Variants in WTAP observed in about 807,000 individuals in gnomAD.
WTAP encodes the protein WT1 associated protein.
A neutral mutation model predicts 50.0 loss-of-function variants in WTAP; 8 were observed. The observed-to-expected ratio is 0.16, with a 90% confidence interval of 0.09 to 0.29. The LOEUF is 0.29. Among genes scored for constraint, WTAP ranks in the 10% least tolerant of loss-of-function variants. The pLI is 1.00. For missense variants in WTAP, 295 were observed against 470.7 expected (o/e 0.63, Z 3.45); for synonymous variants, 194 against 169.0 (o/e 1.15, Z -1.15).
rs56389349 is a variant in WTAP at position 159,739,824 on chromosome 6, C to CTTT, written c.86+810_86+812dup. Among the ~76,000 whole-genome samples, 123 of 85,186 alleles carry CTTT rather than the reference C, an allele frequency of 1.4e-3. 3 individuals are homozygous for CTTT. The highest frequency in any genetic ancestry group is 2.3e-3 in the East Asian group (5 of 2,152). The allele number at this position is 85,186 out of a possible 152,430, so 55.9% of individuals were successfully genotyped here. A position where few individuals can be genotyped will look rare whatever the true frequency, so the allele number is the denominator to read the frequency against. ...ACTGTATTATGAACACACTTTTTAC[C>CTTT]TTTTTTTTTTTTTTTTTTTTTTTTT... On this transcript the variant is annotated intron_variant, in intron 3 of 7. Coordinates refer to ENST00000621533, the MANE Select transcript of WTAP (RefSeq NM_001270531.2).
chr6:159,740,693 TTTTC>T (rs1350613959), intron 3 of WTAP, among the ~76,000 whole-genome samples: 1 of 151,612 alleles, frequency 6.6e-6, no homozygotes, highest in Non-Finnish European at 1.5e-5. Context: ...GGTTTTTTTT[TTTTC>T]TTTTTTCTTT....
intron 6 of WTAP, among the ~76,000 whole-genome samples, chr6:159,750,891 C>T (rs1394672913): frequency 3.3e-5 from 5 of 152,188 alleles, no homozygotes; most frequent in African/African-American, 4.8e-5. Flanking sequence ...CTTTGGGTTG[C>T]GTGCACGCGC....
At chr6:159,738,471 C>T (rs12204454) in intron 2 of WTAP, among the ~76,000 whole-genome samples, 44,669 of 152,008 alleles carry the variant, frequency 0.29, 7,384 homozygotes, top group African/African-American at 0.45. Flanking sequence ...TATGATAGTT[C>T]AATCATTTGC....
At chr6:159,732,641 C>T (rs1485737726) in intron 1 of WTAP, among the ~76,000 whole-genome samples, 2 of 152,234 alleles carry the variant, frequency 1.3e-5, no homozygotes, top group East Asian at 3.9e-4. Context: ...TCGAGACCAG[C>T]CTGGTCAACA....
At chr6:159,753,680 C>A in intron 7 of WTAP, 66 bp downstream of exon 7, 1 of 1,523,618 alleles carries the variant, frequency 6.6e-7, no homozygotes, top group South Asian at 1.3e-5. Flanking sequence ...AACTGCCAGT[C>A]ATGAATATTA....
chr6:159,746,040 GA>G (rs1483033627), intron 5 of WTAP, among the ~76,000 whole-genome samples: 6 of 152,146 alleles, frequency 3.9e-5, no homozygotes, highest in Non-Finnish European at 5.9e-5. Flanking sequence ...GTGGTGTTAG[GA>G]AAACAGGAAA....
intron 1 of WTAP, among the ~76,000 whole-genome samples, chr6:159,728,380 A>G (rs1181209445): frequency 6.6e-6 from 1 of 152,202 alleles, no homozygotes; most frequent in African/African-American, 2.4e-5. Flanking sequence ...TTAGCTTAAC[A>G]TTATCAAGGA....
At chr6:159,734,292 G>A (rs1429225637) in intron 1 of WTAP, among the ~76,000 whole-genome samples, 1 of 150,920 alleles carries the variant, frequency 6.6e-6, no homozygotes, top group Non-Finnish European at 1.5e-5. Flanking sequence ...GGGATTACAA[G>A]TGTGAGCCAC....
At chr6:159,727,427 G>T (rs1167725933), upstream of WTAP, 22 of 1,063,746 alleles carry the variant, frequency 2.1e-5, no homozygotes, top group African/African-American at 2.2e-4. Context: ...CCTGCGGCGC[G>T]TTCGGACCGG....
At chr6:159,752,776 C>T (rs1779869459) in intron 6 of WTAP, among the ~76,000 whole-genome samples, 1 of 152,074 alleles carries the variant, frequency 6.6e-6, no homozygotes, top group Non-Finnish European at 1.5e-5. Flanking sequence ...TTTTTTGAGA[C>T]AGGGTCCCTG....
At chr6:159,727,140 AGCTCCGGGGCCCGC>A, upstream of WTAP, 1 of 1,193,200 alleles carries the variant, frequency 8.4e-7, no homozygotes, top group Non-Finnish European at 1.1e-6. Context: ...GAGCTTGCTG[AGCTCCGGGGCCCGC>A]GGAGCTCGCG....
intron 5 of WTAP, 130 bp downstream of exon 5, chr6:159,743,922 G>A: frequency 9.7e-7 from 1 of 1,035,830 alleles, no homozygotes; most frequent in Non-Finnish European, 1.3e-6. Flanking sequence ...TATGCTTTGA[G>A]CTTTAAGAAT....
intron 2 of WTAP, among the ~76,000 whole-genome samples, chr6:159,738,115 A>C (rs1304364705): frequency 6.6e-6 from 1 of 152,208 alleles, no homozygotes; most frequent in East Asian, 1.9e-4. Context: ...TATTGGGGGA[A>C]GTGGGGAAGA....
At chr6:159,754,077 C>T (rs1779917644) in intron 7 of WTAP, among the ~76,000 whole-genome samples, 1 of 152,168 alleles carries the variant, frequency 6.6e-6, no homozygotes, top group African/African-American at 2.4e-5. Context: ...TGAGATAAAA[C>T]TTGTCAGCCT....
At chr6:159,732,067 C>T (rs944065537) in intron 1 of WTAP, among the ~76,000 whole-genome samples, 2 of 152,078 alleles carry the variant, frequency 1.3e-5, no homozygotes, top group Non-Finnish European at 2.9e-5. Flanking sequence ...AATTTGAACC[C>T]TGGTGTATGA....
chr6:159,726,907 T>C, upstream of WTAP: 3 of 1,288,972 alleles, frequency 2.3e-6, no homozygotes, highest in Non-Finnish European at 3.0e-6. Context: ...GGCCTCTCTC[T>C]TGAGGTGGCA....
At chr6:159,744,988 A>T (rs1376286813) in intron 5 of WTAP, 14 of 151,920 alleles carry the variant, frequency 9.2e-5, no homozygotes, top group Admixed American at 9.2e-4. Flanking sequence ...GCCCATTATC[A>T]TTTTCTCTAC....
At chr6:159,732,341 G>T (rs2758311) in intron 1 of WTAP, among the ~76,000 whole-genome samples, 2 of 151,814 alleles carry the variant, frequency 1.3e-5, no homozygotes, top group Non-Finnish European at 2.9e-5. Flanking sequence ...CTAGATAAAA[G>T]GTATACCACC....
intron 2 of WTAP, among the ~76,000 whole-genome samples, chr6:159,737,170 C>T (rs1290476082): frequency 2.0e-5 from 3 of 152,110 alleles, no homozygotes; most frequent in Admixed American, 6.5e-5. Context: ...ACCTCGGCCT[C>T]CTGAGTATCT....
Sources: gnomAD v4.1 joint callset for allele counts (sites outside exome capture counted in the v4.1 genomes callset) on GRCh38, gnomAD v4.1.1 for gene constraint, MANE v1.5 for transcripts, NCBI Gene and HGNC (gene_info 2026-07-23, HGNC 2026-07-21) for gene names.